The following ELP4 variants were observed in gnomAD, a reference collection of about 807,000 sequenced individuals.
ELP4 encodes the protein elongator acetyltransferase complex subunit 4, also known as elongator complex protein 4.
A neutral mutation model predicts 48.9 loss-of-function variants in ELP4; 51 were observed. That is an observed-to-expected ratio of 1.04 (90% CI 0.83 to 1.32). ELP4 has a LOEUF of 1.32. ELP4 is among the 40% of genes most tolerant of loss of function. The probability of loss-of-function intolerance (pLI) is 0.00; values close to 1 mark genes in which losing one functional copy is unlikely to be tolerated. For synonymous variants in ELP4, 210 were observed against 189.2 expected, an observed-to-expected ratio of 1.11 and a Z score of -0.90; for missense variants, 519 against 514.6, an observed-to-expected ratio of 1.01 and a Z score of -0.08.
chr11:31,687,779 G>A (rs1054352422), intron 9 of ELP4: 8 of 152,044 alleles, frequency 5.3e-5, no homozygotes, highest in Non-Finnish European at 5.9e-5. Flanking sequence ...GCTTTTGATT[G>A]CATTTTCATG....
intron 3 of ELP4, among the ~76,000 whole-genome samples, chr11:31,575,279 A>G (rs924062070): frequency 6.6e-6 from 1 of 152,240 alleles, no homozygotes; most frequent in Admixed American, 6.5e-5. Flanking sequence ...TCCAAGAAGT[A>G]TGGGACTATG....
chr11:31,568,206 G>C (rs933740397), intron 3 of ELP4, among the ~76,000 whole-genome samples: 2 of 152,084 alleles, frequency 1.3e-5, no homozygotes, highest in Admixed American at 6.6e-5. Flanking sequence ...ATTCACAATA[G>C]CCACAAAAAG....
At chr11:31,633,297 A>C (rs1944903983) in intron 7 of ELP4, 1 of 152,086 alleles carries the variant, frequency 6.6e-6, no homozygotes, top group African/African-American at 2.4e-5. Context: ...GACAAATGAA[A>C]AGTGAATTTA....
At chr11:31,554,957 G>A (rs1184358965) in intron 3 of ELP4, among the ~76,000 whole-genome samples, 2 of 152,166 alleles carry the variant, frequency 1.3e-5, no homozygotes, top group African/African-American at 4.8e-5. Flanking sequence ...AAAGTTGAAT[G>A]TGTGATCTTT....
chr11:31,587,838 A>T (rs1248794596), intron 3 of ELP4, among the ~76,000 whole-genome samples: 1 of 152,112 alleles, frequency 6.6e-6, no homozygotes, highest in African/African-American at 2.4e-5. Flanking sequence ...AACTAAATAT[A>T]TTTATACCAT....
chr11:31,534,786 A>G (rs1956471767), intron 2 of ELP4, among the ~76,000 whole-genome samples: 1 of 152,244 alleles, frequency 6.6e-6, no homozygotes. Flanking sequence ...ATATCGATTT[A>G]TAATGACCAT....
intron 9 of ELP4, among the ~76,000 whole-genome samples, chr11:31,718,392 T>A (rs1488321852): frequency 2.6e-5 from 4 of 152,248 alleles, no homozygotes; most frequent in Admixed American, 1.3e-4. Flanking sequence ...AGGGCTATTC[T>A]GGTGATTATT....
chr11:31,718,316 A>G (rs1161890330), intron 9 of ELP4, among the ~76,000 whole-genome samples: 1 of 152,200 alleles, frequency 6.6e-6, no homozygotes, highest in Non-Finnish European at 1.5e-5. Context: ...CCTGCCCAAG[A>G]AAAATTATAT....
In ELP4 at chr11:31,566,079, T is replaced by TTGCTTAG. The variant is rs201521863; in HGVS notation, c.381+26302_381+26303insGTGCTTA. Among the ~76,000 whole-genome samples the TTGCTTAG allele has an allele frequency of 6.8e-3, 1,041 of 152,242 alleles. 3 individuals are homozygous for TTGCTTAG. The highest frequency in any genetic ancestry group is 0.01 in the Middle Eastern group (3 of 294). The stretch of plus-strand genomic sequence containing the variant: ...AGGCACGGTGGCTCATGCTTACAAC[T>TTGCTTAG]TGCTTAAGGCTCATATAAGTGTAAT... On this transcript the variant is annotated intron_variant, in intron 3 of 9. Transcript: ENST00000640961.
chr11:31,668,949 A>T (rs1360483954), intron 9 of ELP4, among the ~76,000 whole-genome samples: 1 of 151,904 alleles, frequency 6.6e-6, no homozygotes, highest in African/African-American at 2.4e-5. Flanking sequence ...ATTAAAATAC[A>T]TGTCCTTAAT....
At chr11:31,627,553 G>T (rs1592171222) in intron 6 of ELP4, among the ~76,000 whole-genome samples, 1 of 151,904 alleles carries the variant, frequency 6.6e-6, no homozygotes, top group East Asian at 1.9e-4. Context: ...TGACATTCAG[G>T]CCTTATTTCA....
intron 9 of ELP4, among the ~76,000 whole-genome samples, chr11:31,667,328 T>C (rs963965940): frequency 3.9e-5 from 6 of 152,194 alleles, no homozygotes; most frequent in Admixed American, 2.6e-4. Flanking sequence ...TATAATCTTA[T>C]GAAGCAGTAG....
At chr11:31,559,675 G>A (rs1053189816) in intron 3 of ELP4, among the ~76,000 whole-genome samples, 3 of 152,028 alleles carry the variant, frequency 2.0e-5, no homozygotes, top group Non-Finnish European at 2.9e-5. Flanking sequence ...AGGCTGAGGC[G>A]GGCAGATCAC....
At chr11:31,531,434 G>T (rs1374452133) in intron 2 of ELP4, among the ~76,000 whole-genome samples, 1 of 152,196 alleles carries the variant, frequency 6.6e-6, no homozygotes, top group Non-Finnish European at 1.5e-5. Context: ...ACTACTAGGG[G>T]TTAAGAGGGT....
At chr11:31,565,169 T>C (rs558553430) in intron 3 of ELP4, among the ~76,000 whole-genome samples, 294 of 152,376 alleles carry the variant, frequency 1.9e-3, no homozygotes, top group African/African-American at 6.7e-3. Flanking sequence ...GTTGCATAAA[T>C]GTCTTCTTTT....
intron 9 of ELP4, among the ~76,000 whole-genome samples, chr11:31,746,556 C>A (rs930143297): frequency 1.3e-5 from 2 of 152,084 alleles, no homozygotes; most frequent in Non-Finnish European, 2.9e-5. Flanking sequence ...TGCTATGCAG[C>A]CATAAAAAAT....
chr11:31,516,529 A>G (rs1478486641), intron 1 of ELP4, among the ~76,000 whole-genome samples: 4 of 152,160 alleles, frequency 2.6e-5, no homozygotes, highest in Non-Finnish European at 5.9e-5. Flanking sequence ...TGGGTCTCAC[A>G]TTGTTACCCT....
In ELP4 at chr11:31,594,764, T is replaced by C. The variant is rs746970412; in HGVS notation, c.382-6T>C. On this transcript the variant is annotated splice_polypyrimidine_tract_variant and splice_region_variant and intron_variant, in intron 3 of 9. Transcript: ENST00000640961. Reference sequence around the variant, plus strand: ...ATCTCAATTATGTGTCATTTTGTTTTCTTAGGAACTTCCAGCACCATTACT... The same window carrying C: ...ATCTCAATTATGTGTCATTTTGTTTCCTTAGGAACTTCCAGCACCATTACT... The C allele has an allele frequency of 2.9e-5, 43 of 1,483,600 alleles. No homozygotes were observed. Among genetic ancestry groups the C allele is most frequent in the Non-Finnish European group, 3.8e-5 (43 of 1,122,862 alleles). The allele number at this position is 1,483,600 out of a possible 1,614,324, so 91.9% of individuals were successfully genotyped here.
At chr11:31,638,298 C>T (rs573759969) in intron 7 of ELP4, among the ~76,000 whole-genome samples, 2 of 151,784 alleles carry the variant, frequency 1.3e-5, no homozygotes, top group Non-Finnish European at 3.0e-5. Context: ...ATGTACTTGT[C>T]TAGAGAACAG....
Sources: gnomAD v4.1 joint callset for allele counts (sites outside exome capture counted in the v4.1 genomes callset) on GRCh38, gnomAD v4.1.1 for gene constraint, MANE v1.5 for transcripts, NCBI Gene and HGNC (gene_info 2026-07-23, HGNC 2026-07-21) for gene names.